WDFY3: variants seen among roughly 807,000 people sequenced by gnomAD.
The protein encoded by WDFY3 is WD repeat and FYVE domain-containing protein 3.
A neutral mutation model predicts 409.6 loss-of-function variants in WDFY3; 66 were observed. The ratio of observed to expected loss-of-function variants is 0.16; its 90% CI spans 0.13 to 0.20. The LOEUF is 0.20. Among genes scored for constraint, WDFY3 ranks in the 10% least tolerant of loss-of-function variants. The pLI, the probability that WDFY3 is intolerant of heterozygous loss-of-function variation, is 1.00. For missense variants in WDFY3, 3,031 were observed against 4,298.1 expected, an observed-to-expected ratio of 0.71 and a Z score of 8.24; for synonymous variants, 1,521 against 1,537.1, an observed-to-expected ratio of 0.99 and a Z score of 0.25.
chr4:84,832,317 T>A (rs182781753), intron 7 of WDFY3, among the ~76,000 whole-genome samples: 2 of 152,282 alleles, frequency 1.3e-5, no homozygotes, highest in East Asian at 3.9e-4. Context: ...AGTAGAGTTT[T>A]GGTTACCAAG....
intron 6 of WDFY3, among the ~76,000 whole-genome samples, chr4:84,839,340 A>C (rs984197757): frequency 1.3e-5 from 2 of 152,182 alleles, no homozygotes; most frequent in African/African-American, 4.8e-5. Flanking sequence ...TACAGCTACC[A>C]TCAACAGCAA....
intron 32 of WDFY3, among the ~76,000 whole-genome samples, chr4:84,763,928 A>G (rs1294950964): frequency 2.0e-5 from 3 of 152,200 alleles, no homozygotes; most frequent in African/African-American, 7.2e-5. Context: ...CTAACAAAAG[A>G]CAGATTCTTA....
chr4:84,837,208 GTAAGAA>G, intron 6 of WDFY3, 118 bp from the exon 7 acceptor site: 1 of 861,964 alleles, frequency 1.2e-6, no homozygotes, highest in Non-Finnish European at 1.6e-6. Context: ...TAAAATGCAT[GTAAGAA>G]TTTAAAAATG....
chr4:84,810,084 T>G lies in WDFY3; in HGVS notation c.2148A>C (p.Ala716=). ...AGCAGCCAAGAAATCGAACAGCATC[T>G]GCCAACTTCTCATACTGAATCTCTG... is the stretch of plus-strand genomic sequence containing the variant. ...FKTEIQYEKL[A]DAVRFLGCFS... The change falls in exon 14 of 68, where the codon GCA becomes GCC. Residue 716 remains alanine (A), a synonymous_variant. Transcript: ENST00000295888. 1.2e-6 allele frequency: 2 copies of G among 1,614,234 alleles called. No homozygotes were observed. The highest frequency in any genetic ancestry group is 1.7e-6 in the Non-Finnish European group (2 of 1,180,024).
chr4:84,705,475 G>T lies in WDFY3; in HGVS notation c.8254C>A (p.Leu2752Met). The change falls in exon 54 of 68, where the codon CTG (leucine) becomes ATG (methionine). Residue 2752 changes from leucine (L) to methionine (M), a missense_variant. By Grantham distance (15) the Leu-to-Met change is conservative. This residue lies in a region of WDFY3 where 129 missense variants were observed against 305.3 expected (regional missense o/e 0.42). Transcript: ENST00000295888. Reference sequence around the variant, plus strand: ...GTTTGTGCTCCCATTGGCTTAGCCAGGTTTCTAAACGTCTTGGGATTAGTA... The same window carrying T: ...GTTTGTGCTCCCATTGGCTTAGCCATGTTTCTAAACGTCTTGGGATTAGTA... ...DLTNPKTFRN[L>M]AKPMGAQTDE... is the part of the protein sequence containing the mutation. The T allele has an allele frequency of 6.2e-7, 1 of 1,613,982 alleles. No homozygotes were observed.
chr4:84,766,143 C>A (rs1481913277), intron 31 of WDFY3, 109 bp downstream of exon 31: 1 of 1,486,788 alleles, frequency 6.7e-7, no homozygotes, highest in Non-Finnish European at 9.1e-7. Flanking sequence ...CTATAAATTT[C>A]AGGGTTAAAA....
At chr4:84,956,001 A>T (rs1297961221) in intron 1 of WDFY3, among the ~76,000 whole-genome samples, 1 of 152,226 alleles carries the variant, frequency 6.6e-6, no homozygotes, top group South Asian at 2.1e-4. Flanking sequence ...AAAATAGCAC[A>T]TAACAAAATA....
intron 3 of WDFY3, among the ~76,000 whole-genome samples, chr4:84,867,704 A>G (rs1043883239): frequency 2.0e-5 from 3 of 152,226 alleles, no homozygotes; most frequent in African/African-American, 7.2e-5. Flanking sequence ...TAAATTTTTA[A>G]AATATATTTG....
intron 19 of WDFY3, among the ~76,000 whole-genome samples, chr4:84,795,803 C>G (rs1433394181): frequency 6.6e-6 from 1 of 151,686 alleles, no homozygotes; most frequent in African/African-American, 2.4e-5. Flanking sequence ...GCTAACAGAT[C>G]TAGCTACCAG....
At position 84,783,077 on chromosome 4, in the gene WDFY3, G is replaced by A. The variant is rs865963193; in HGVS notation, c.4063-3C>T. On this transcript the variant is annotated splice_region_variant and splice_polypyrimidine_tract_variant and intron_variant, in intron 24 of 67. Coordinates refer to ENST00000295888, the MANE Select transcript of WDFY3 (RefSeq NM_014991.6). ...TTCTCATGTGAGGAAATGCCTAACT[G>A]AAAAATAGGAAAGGAAAAGAATGTA... 1.2e-6 allele frequency: 2 copies of A among 1,608,818 alleles called. No individual in the cohort carries two copies. The highest frequency in any genetic ancestry group is 1.7e-6 in the Non-Finnish European group (2 of 1,176,924).
intron 22 of WDFY3, among the ~76,000 whole-genome samples, chr4:84,787,926 A>G (rs1203612490): frequency 6.6e-6 from 1 of 152,190 alleles, no homozygotes; most frequent in Non-Finnish European, 1.5e-5. Context: ...CCAACTCTCT[A>G]ACACAGATAA....
intron 2 of WDFY3, among the ~76,000 whole-genome samples, chr4:84,931,063 T>C (rs1193564544): frequency 6.6e-6 from 1 of 152,214 alleles, no homozygotes; most frequent in Non-Finnish European, 1.5e-5. Context: ...TTATACTTTG[T>C]TACAGGCAAG....
intron 3 of WDFY3, among the ~76,000 whole-genome samples, chr4:84,862,895 T>G (rs1324676425): frequency 1.3e-5 from 2 of 152,298 alleles, no homozygotes; most frequent in Non-Finnish European, 1.5e-5. Flanking sequence ...CACCCACCAT[T>G]CTACTCTCTA....
intron 10 of WDFY3, among the ~76,000 whole-genome samples, chr4:84,823,434 A>C (rs1468533457): frequency 6.6e-6 from 1 of 152,082 alleles, no homozygotes; most frequent in East Asian, 1.9e-4. Flanking sequence ...ATATTATTAA[A>C]ATGAAAAACT....
At chr4:84,882,451 G>C (rs1763665263) in intron 3 of WDFY3, among the ~76,000 whole-genome samples, 1 of 152,140 alleles carries the variant, frequency 6.6e-6, no homozygotes, top group Admixed American at 6.5e-5. Context: ...GAATGAAGCA[G>C]AGACTCTTCC....
intron 1 of WDFY3, among the ~76,000 whole-genome samples, chr4:84,945,451 TAA>T (rs1031694093): frequency 7.2e-5 from 11 of 152,216 alleles, no homozygotes; most frequent in Admixed American, 1.3e-4. Context: ...ATGCTTCATA[TAA>T]ATCACACTCA....
chr4:84,756,227 C>T (rs749561974), intron 33 of WDFY3, among the ~76,000 whole-genome samples: 8 of 152,220 alleles, frequency 5.3e-5, no homozygotes, highest in Middle Eastern at 3.4e-3. Context: ...CATACCCACT[C>T]GAGGAGTGAT....
chr4:84,691,059 C>T (rs1443442389), intron 60 of WDFY3, among the ~76,000 whole-genome samples: 4 of 152,096 alleles, frequency 2.6e-5, no homozygotes, highest in Non-Finnish European at 5.9e-5. Context: ...AAAATGGAAT[C>T]GTGTTACAAA....
chr4:84,748,492 T>A (rs979972741), intron 36 of WDFY3, among the ~76,000 whole-genome samples: 38 of 152,282 alleles, frequency 2.5e-4, no homozygotes, highest in African/African-American at 8.9e-4. Context: ...GTAAATAATA[T>A]CATTCTCTAG....
Sources: allele counts gnomAD v4.1 joint callset (sites outside exome capture counted in the v4.1 genomes callset), GRCh38; gene constraint gnomAD v4.1.1; regional missense constraint gnomAD v4.1.1; transcripts MANE v1.5; gene names NCBI Gene and HGNC (gene_info 2026-07-23, HGNC 2026-07-21).